SEC31A: variants seen among roughly 807,000 people sequenced by gnomAD.
The protein encoded by SEC31A is protein transport protein Sec31A.
A neutral mutation model predicts 151.0 loss-of-function variants in SEC31A; 70 were observed. The observed-to-expected ratio is 0.46, with a 90% CI of 0.38 to 0.57. The LOEUF is 0.57. Ranked by LOEUF, SEC31A falls within the 20% of genes least tolerant of loss-of-function variation. The pLI is 0.00. For missense variants in SEC31A, 1,330 were observed against 1,471.2 expected (o/e 0.90, Z 1.57); for synonymous variants, 475 against 505.9 (o/e 0.94, Z 0.82).
At chr4:82,886,924 C>T (rs1164068778) in intron 1 of SEC31A, among the ~76,000 whole-genome samples, 1 of 152,062 alleles carries the variant, frequency 6.6e-6, no homozygotes, top group Non-Finnish European at 1.5e-5. Flanking sequence ...AAAACTTTTA[C>T]CCCTTTTTAG....
At chr4:82,875,075 AGATG>A (rs1737610125) in intron 5 of SEC31A, among the ~76,000 whole-genome samples, 1 of 152,248 alleles carries the variant, frequency 6.6e-6, no homozygotes, top group South Asian at 2.1e-4. Context: ...ACCACAAAGT[AGATG>A]TTGGTGACTA....
At chr4:82,866,710 C>G in intron 10 of SEC31A, 98 bp downstream of exon 10, 1 of 1,097,266 alleles carries the variant, frequency 9.1e-7, no homozygotes, top group Non-Finnish European at 1.2e-6. Context: ...CAAATCCCAA[C>G]TTAAACCCTG....
At chr4:82,894,729 CAA>C (rs1234909392), upstream of SEC31A, 1 of 152,170 alleles carries the variant, frequency 6.6e-6, no homozygotes, top group Non-Finnish European at 1.5e-5. Context: ...TTCTTCCACC[CAA>C]GTGTCAACAT....
intron 21 of SEC31A, 164 bp downstream of exon 21, chr4:82,844,222 G>A (rs2149265130): frequency 1.5e-6 from 1 of 665,208 alleles, no homozygotes; most frequent in Non-Finnish European, 2.5e-6. Context: ...AGTGATTCAG[G>A]CCACCTCCTA....
At chr4:82,892,117 C>T (rs6535409), upstream of SEC31A, among the ~76,000 whole-genome samples, 145,155 of 152,318 alleles carry the variant, frequency 0.95, 69,544 homozygotes, top group East Asian at 1. Flanking sequence ...CTTCATAAGA[C>T]AGCTTAACAT....
At chr4:82,827,844 G>A (rs1000268173) in intron 23 of SEC31A, among the ~76,000 whole-genome samples, 1 of 151,474 alleles carries the variant, frequency 6.6e-6, no homozygotes, top group African/African-American at 2.4e-5. Context: ...GGGATAGGGA[G>A]CTCAAACCTG....
intron 20 of SEC31A, among the ~76,000 whole-genome samples, chr4:82,844,804 T>C (rs1729697187): frequency 6.6e-6 from 1 of 152,196 alleles, no homozygotes; most frequent in Admixed American, 6.5e-5. Context: ...CCATCTCTAC[T>C]AATTTCCATC....
chr4:82,851,576 C>A lies in SEC31A; in HGVS notation c.2183G>T (p.Arg728Leu). 6.2e-7 allele frequency: 1 copy of A among 1,610,098 alleles called. No individual in the cohort carries two copies. The highest frequency in any genetic ancestry group is 8.5e-7 in the Non-Finnish European group (1 of 1,177,802). Residue 728 changes from arginine to leucine, a missense_variant, in exon 19 of 27, where the codon CGA becomes CTA. Transcript: ENST00000395310. ...QDLIEKVVILRKAVQLTQAMD... is the reference protein window; with the variant it reads ...QDLIEKVVILLKAVQLTQAMD... ...GGCTTGAGTGAGTTGCACAGCTTTTCGCAGGATGACAACTTTCTCAATCAG... is the reference window on the plus strand; with the variant it reads ...GGCTTGAGTGAGTTGCACAGCTTTTAGCAGGATGACAACTTTCTCAATCAG...
chr4:82,840,174 A>G (rs569684567), intron 22 of SEC31A, among the ~76,000 whole-genome samples: 1 of 152,320 alleles, frequency 6.6e-6, no homozygotes, highest in Non-Finnish European at 1.5e-5. Flanking sequence ...AATTATTACT[A>G]CTTCTCAAGG....
upstream of SEC31A, chr4:82,893,862 T>G (rs1295028853): frequency 6.6e-6 from 1 of 152,266 alleles, no homozygotes; most frequent in Non-Finnish European, 1.5e-5. Flanking sequence ...GTTCTGGGAA[T>G]TTATCTACAT....
At chr4:82,834,484 T>C (rs1726758684) in intron 22 of SEC31A, among the ~76,000 whole-genome samples, 2 of 152,116 alleles carry the variant, frequency 1.3e-5, no homozygotes, top group Admixed American at 6.5e-5. Flanking sequence ...CACCAAATCA[T>C]AATAAAATCA....
chr4:82,854,854 T>C (rs1271345125), intron 17 of SEC31A, 49 bp downstream of exon 17: 5 of 1,515,142 alleles, frequency 3.3e-6, no homozygotes, highest in Non-Finnish European at 4.4e-6. Flanking sequence ...ATTTACAATA[T>C]ACCCTGCCAC....
chr4:82,854,939 T>A lies in SEC31A; in HGVS notation c.1972A>T (p.Thr658Ser). ...GAAAATTCATCCGGCTTTGCATAAG[T>A]CAATACTGCAGCTAAAGCCTCTCTC... ...NWREALAAVLTYAKPDEFSAL... is the reference protein window; with the variant it reads ...NWREALAAVLSYAKPDEFSAL... The change falls in exon 17 of 27, where the codon ACT (threonine) becomes TCT (serine). Residue 658 changes from threonine to serine, a missense_variant. By Grantham distance (58) the Thr-to-Ser change is moderately conservative (BLOSUM62 1). Transcript: ENST00000395310. The A allele has an allele frequency of 6.2e-7, 1 of 1,613,800 alleles. No homozygotes were observed. Among genetic ancestry groups the A allele is most frequent in the Non-Finnish European group, 8.5e-7 (1 of 1,179,888 alleles).
chr4:82,842,574 T>C, intron 21 of SEC31A, 93 bp from the exon 22 acceptor site: 1 of 954,722 alleles, frequency 1.0e-6, no homozygotes, highest in Non-Finnish European at 1.5e-6. Context: ...TCTATAGAAA[T>C]GATTTTAATC....
intron 22 of SEC31A, among the ~76,000 whole-genome samples, chr4:82,829,726 A>T: frequency 6.6e-6 from 1 of 152,178 alleles, no homozygotes; most frequent in African/African-American, 2.4e-5. Flanking sequence ...AAATATTACC[A>T]ACTGTAGTAA....
In SEC31A at chr4:82,863,371, G is replaced by A. The variant is rs780801269; in HGVS notation, c.1456C>T (p.Arg486Cys). The A allele has an allele frequency of 1.1e-5, 18 of 1,573,570 alleles. No individual in the cohort carries two copies. The highest frequency in any genetic ancestry group is 1.4e-5 in the African/African-American group (1 of 72,390). Residue 486 changes from arginine to cysteine, a missense_variant, in exon 12 of 27, where the codon CGT becomes TGT. By Grantham distance (180) the Arg-to-Cys change is radical. Coordinates refer to ENST00000395310, the MANE Select transcript of SEC31A (RefSeq NM_001077207.4). ...FLKVNFEDDS[R>C]GKYLELLGYR... ...CCTAGAAGTTCAAGGTATTTTCCAC[G>A]AGAATCATCCTCAAAGTTTACCTTT...
At chr4:82,876,877 T>A (rs1015049928) in intron 4 of SEC31A, among the ~76,000 whole-genome samples, 2 of 152,218 alleles carry the variant, frequency 1.3e-5, no homozygotes, top group Non-Finnish European at 2.9e-5. Flanking sequence ...CAAAATACTT[T>A]ATTAAAAATC....
chr4:82,884,967 C>T (rs186883552), intron 1 of SEC31A, among the ~76,000 whole-genome samples: 1 of 152,264 alleles, frequency 6.6e-6, no homozygotes, highest in East Asian at 1.9e-4. Context: ...GAAACTTTTG[C>T]TTTATGAAAA....
At chr4:82,859,687 G>A (rs1433344456) in intron 14 of SEC31A, among the ~76,000 whole-genome samples, 2 of 151,766 alleles carry the variant, frequency 1.3e-5, no homozygotes. Context: ...AGAAGCATTT[G>A]GAATTTAAAA....
Sources: allele counts gnomAD v4.1 joint callset (sites outside exome capture counted in the v4.1 genomes callset), GRCh38; gene constraint gnomAD v4.1.1; transcripts MANE v1.5; gene names NCBI Gene and HGNC (gene_info 2026-07-23, HGNC 2026-07-21).